Variants in BICC1 observed in about 807,000 individuals in gnomAD.
BICC1 encodes the protein BicC family RNA binding protein 1.
A neutral mutation model predicts 111.0 loss-of-function variants in BICC1; 43 were observed. The observed-to-expected ratio is 0.39, with a 90% CI of 0.30 to 0.50. BICC1 has a LOEUF of 0.50. BICC1 is among the 20% of genes least tolerant of loss of function. BICC1 has a pLI of 0.88. For synonymous variants in BICC1, 467 were observed against 434.4 expected (o/e 1.07, Z -0.93); for missense variants, 1,091 against 1,203.2 (o/e 0.91, Z 1.38).
chr10:58,715,668 C>T (rs1427794601), intron 3 of BICC1: 2 of 1,600,206 alleles, frequency 1.2e-6, no homozygotes, highest in African/African-American at 1.3e-5. Flanking sequence ...TTGACCAAGG[C>T]CTACCTGGGA....
At chr10:58,590,842 G>A (rs973925866) in intron 1 of BICC1, among the ~76,000 whole-genome samples, 1 of 152,164 alleles carries the variant, frequency 6.6e-6, no homozygotes, top group African/African-American at 2.4e-5. Flanking sequence ...AAATAAGATT[G>A]TGCAGAAGTG....
intron 1 of BICC1, among the ~76,000 whole-genome samples, chr10:58,535,664 AAC>A (rs890570884): frequency 1.3e-5 from 2 of 151,722 alleles, no homozygotes; most frequent in South Asian, 4.1e-4. Flanking sequence ...ATAAAACAAT[AAC>A]ACAGTGAAGA....
chr10:58,529,246 G>A (rs35869965), intron 1 of BICC1, among the ~76,000 whole-genome samples: 6,237 of 151,920 alleles, frequency 0.041, 168 homozygotes, highest in Non-Finnish European at 0.059. Flanking sequence ...AGCTTCATGT[G>A]CCAGTATTGA....
chr10:58,639,658 C>G (rs1838063106), intron 2 of BICC1, among the ~76,000 whole-genome samples: 1 of 148,894 alleles, frequency 6.7e-6, no homozygotes, highest in Non-Finnish European at 1.5e-5. Context: ...CTCAGGTGAT[C>G]CACCTGCCTT....
intron 1 of BICC1, among the ~76,000 whole-genome samples, chr10:58,517,070 A>C (rs1842261896): frequency 6.6e-6 from 1 of 152,218 alleles, no homozygotes; most frequent in Admixed American, 6.5e-5. Flanking sequence ...TATATAACAC[A>C]GCACTTCAAA....
chr10:58,826,357 A>G (rs934360270), intron 20 of BICC1, among the ~76,000 whole-genome samples: 2 of 152,192 alleles, frequency 1.3e-5, no homozygotes, highest in Admixed American at 1.3e-4. Flanking sequence ...CACGGTTAAG[A>G]AAATCATTGA....
chr10:58,676,452 C>T (rs1471392912), intron 2 of BICC1, among the ~76,000 whole-genome samples: 2 of 152,150 alleles, frequency 1.3e-5, no homozygotes, highest in Non-Finnish European at 2.9e-5. Flanking sequence ...AGGGCATCCG[C>T]CATTACTGAG....
At chr10:58,789,967 T>A (rs1843128237) in intron 8 of BICC1, 34 bp downstream of exon 8, 5 of 1,608,342 alleles carry the variant, frequency 3.1e-6, no homozygotes, top group Non-Finnish European at 4.2e-6. Flanking sequence ...ACAATTTTTT[T>A]AAACCTCTTT....
chr10:58,789,578 A>T, intron 7 of BICC1, 104 bp from the exon 8 acceptor site: 1 of 1,528,444 alleles, frequency 6.5e-7, no homozygotes, highest in East Asian at 2.3e-5. Flanking sequence ...TGGTTTGCAG[A>T]ATATGCTGTA....
intron 1 of BICC1, among the ~76,000 whole-genome samples, chr10:58,521,036 G>A (rs1842373937): frequency 6.6e-6 from 1 of 152,048 alleles, no homozygotes; most frequent in Non-Finnish European, 1.5e-5. Context: ...ACTTAGCGTT[G>A]AATCATAAGT....
In BICC1 at chr10:58,581,931, AT is replaced by A. The variant is rs555700303; in HGVS notation, c.191-38918del. 3.4e-3 allele frequency among the ~76,000 whole-genome samples: 514 copies of A among 151,996 alleles called. 7 individuals are homozygous for A. Among genetic ancestry groups the A allele is most frequent in the Non-Finnish European group, 7.8e-4 (53 of 67,970 alleles). On this transcript the variant is annotated intron_variant, in intron 1 of 20. Transcript: ENST00000373886. ...CTCCTCCCCCATGTTACGATAACGGATTTTTTCAGGTTATTTTGTCCTCTCT... is the reference window on the plus strand; with the variant it reads ...CTCCTCCCCCATGTTACGATAACGGATTTTTCAGGTTATTTTGTCCTCTCT...
intron 3 of BICC1, among the ~76,000 whole-genome samples, chr10:58,739,438 G>C (rs1841581827): frequency 6.6e-6 from 1 of 152,192 alleles, no homozygotes; most frequent in African/African-American, 2.4e-5. Flanking sequence ...AAGCCAACTT[G>C]ATCATGGTGG....
intron 17 of BICC1, among the ~76,000 whole-genome samples, chr10:58,809,805 C>T (rs943981857): frequency 2.0e-4 from 31 of 152,222 alleles, no homozygotes; most frequent in African/African-American, 6.7e-4. Context: ...ATTCAATCCC[C>T]ACAAACTCCT....
At chr10:58,526,896 A>C (rs1471530619) in intron 1 of BICC1, among the ~76,000 whole-genome samples, 2 of 152,196 alleles carry the variant, frequency 1.3e-5, no homozygotes, top group African/African-American at 4.8e-5. Flanking sequence ...ATACATGTGC[A>C]TGTATCTTTA....
chr10:58,667,011 A>G (rs145613583), intron 2 of BICC1, among the ~76,000 whole-genome samples: 21 of 152,256 alleles, frequency 1.4e-4, no homozygotes, highest in African/African-American at 4.6e-4. Context: ...ACTTTTCAAT[A>G]ATGATCTAGA....
intron 1 of BICC1, among the ~76,000 whole-genome samples, chr10:58,543,928 T>G (rs1843066090): frequency 6.6e-6 from 1 of 151,658 alleles, no homozygotes; most frequent in Non-Finnish European, 1.5e-5. Context: ...ACAGGCATGA[T>G]CTTTTAGAAA....
intron 1 of BICC1, among the ~76,000 whole-genome samples, chr10:58,607,476 T>C (rs1845265977): frequency 6.6e-6 from 1 of 151,946 alleles, no homozygotes; most frequent in Admixed American, 6.6e-5. Context: ...TCCTTCCTCA[T>C]CTTCTCCACC....
At chr10:58,764,071 T>G (rs183721454) in intron 3 of BICC1, among the ~76,000 whole-genome samples, 4 of 152,230 alleles carry the variant, frequency 2.6e-5, no homozygotes, top group African/African-American at 9.6e-5. Flanking sequence ...CATACTGATG[T>G]TTACTTACAC....
chr10:58,606,378 A>C (rs1845213087), intron 1 of BICC1, among the ~76,000 whole-genome samples: 1 of 136,784 alleles, frequency 7.3e-6, no homozygotes, highest in Non-Finnish European at 1.5e-5. Context: ...GGGTTTAGCC[A>C]GGTAAAGAAT....
Sources: gnomAD v4.1 joint callset for allele counts (sites outside exome capture counted in the v4.1 genomes callset) on GRCh38, gnomAD v4.1.1 for gene constraint, MANE v1.5 for transcripts, NCBI Gene and HGNC (gene_info 2026-07-23, HGNC 2026-07-21) for gene names.